The following BORCS5 variants were observed in gnomAD, a reference collection of about 807,000 sequenced individuals.
BORCS5 encodes the protein BLOC-1-related complex subunit 5.
In BORCS5, 17 loss-of-function variants were observed where a neutral mutation model predicts 22.1. The ratio of observed to expected loss-of-function variants is 0.77; its 90% CI spans 0.53 to 1.15. The LOEUF is 1.15. Among genes scored for constraint, BORCS5 ranks in the 50% most tolerant of loss-of-function variants. BORCS5 has a pLI of 0.00. For synonymous variants in BORCS5, 117 were observed against 99.8 expected (o/e 1.17, Z -1.03); for missense variants, 247 against 253.2 (o/e 0.98, Z 0.17).
At chr12:12,384,704 C>CT (rs1282505376) in intron 2 of BORCS5, among the ~76,000 whole-genome samples, 1 of 151,086 alleles carries the variant, frequency 6.6e-6, no homozygotes, top group Non-Finnish European at 1.5e-5. Flanking sequence ...CCACACCCTC[C>CT]TTTTTAAAAG....
At chr12:12,441,465 T>C (rs148716698) in intron 3 of BORCS5, among the ~76,000 whole-genome samples, 106 of 152,288 alleles carry the variant, frequency 7.0e-4, no homozygotes, top group Middle Eastern at 3.4e-3. Context: ...CCTCAGGTTT[T>C]CGTGAGGGTT....
chr12:12,365,533 C>A (rs896446577), intron 2 of BORCS5, among the ~76,000 whole-genome samples: 1 of 151,832 alleles, frequency 6.6e-6, no homozygotes, highest in South Asian at 2.1e-4. Context: ...CCCCCCCACC[C>A]CAACCCCCAC....
intron 2 of BORCS5, among the ~76,000 whole-genome samples, chr12:12,379,219 C>T (rs1863723632): frequency 6.7e-6 from 1 of 150,332 alleles, no homozygotes; most frequent in South Asian, 2.1e-4. Flanking sequence ...CTCCCGGGTT[C>T]AAGTGATTCT....
At chr12:12,383,530 TTTTG>T (rs1863818345) in intron 2 of BORCS5, among the ~76,000 whole-genome samples, 1 of 151,368 alleles carries the variant, frequency 6.6e-6, no homozygotes, top group South Asian at 2.1e-4. Context: ...CTGAAAAGAC[TTTTG>T]TTAGTATTTA....
At chr12:12,359,276 T>C (rs1441423921) in intron 1 of BORCS5, among the ~76,000 whole-genome samples, 1 of 152,082 alleles carries the variant, frequency 6.6e-6, no homozygotes, top group Non-Finnish European at 1.5e-5. Flanking sequence ...GTGAGGGGGC[T>C]GTAGTCCTAG....
chr12:12,455,605 G>A (rs978015936), intron 3 of BORCS5, among the ~76,000 whole-genome samples: 4 of 151,884 alleles, frequency 2.6e-5, no homozygotes, highest in Non-Finnish European at 4.4e-5. Flanking sequence ...ATGGTGAAAC[G>A]CTGTCTCTAC....
intron 2 of BORCS5, among the ~76,000 whole-genome samples, chr12:12,398,431 A>C (rs1358727564): frequency 6.6e-6 from 1 of 152,192 alleles, no homozygotes; most frequent in African/African-American, 2.4e-5. Flanking sequence ...AATCAAAGCC[A>C]TGTTTGTTTT....
At chr12:12,422,041 C>T (rs938434256) in intron 2 of BORCS5, among the ~76,000 whole-genome samples, 1 of 152,066 alleles carries the variant, frequency 6.6e-6, no homozygotes, top group Admixed American at 6.6e-5. Flanking sequence ...GTTTTTATGT[C>T]TCTGTCTCTT....
At position 12,455,633 on chromosome 12, in the gene BORCS5, G is replaced by A. The variant is rs865839058; in HGVS notation, c.361-9913G>A. ...GTCTCTACTAAAAATATAAAAATTA[G>A]CCAGGCGTGGTGGCACACACCTGTA... On this transcript the variant is annotated intron_variant, in intron 3 of 3. Transcript: ENST00000314565. Among the ~76,000 whole-genome samples the A allele has an allele frequency of 1.2e-4, 19 of 152,180 alleles. No homozygotes were observed. In the Middle Eastern group the frequency reaches 0.01, roughly 82 times the overall value.
At chr12:12,370,507 T>C (rs1729696370) in intron 2 of BORCS5, among the ~76,000 whole-genome samples, 1 of 152,212 alleles carries the variant, frequency 6.6e-6, no homozygotes. Flanking sequence ...GAATTAATTA[T>C]GCTGTGATGG....
chr12:12,365,196 A>C (rs1295261674), intron 2 of BORCS5, among the ~76,000 whole-genome samples: 1 of 151,998 alleles, frequency 6.6e-6, no homozygotes, highest in Admixed American at 6.6e-5. Context: ...TTATAGGAAG[A>C]GGTTATCGGG....
intron 1 of BORCS5, among the ~76,000 whole-genome samples, chr12:12,359,422 C>T (rs989932441): frequency 4.1e-5 from 6 of 146,588 alleles, no homozygotes; most frequent in African/African-American, 1.5e-4. Context: ...AGTGCTGTGG[C>T]ATGATCTTGG....
chr12:12,382,175 G>A (rs368440756), intron 2 of BORCS5, among the ~76,000 whole-genome samples: 3 of 151,368 alleles, frequency 2.0e-5, no homozygotes, highest in East Asian at 3.9e-4. Context: ...TCTGCAAGCT[G>A]TATAAGAAGT....
intron 2 of BORCS5, among the ~76,000 whole-genome samples, chr12:12,362,558 C>T (rs932394282): frequency 6.6e-6 from 1 of 151,366 alleles, no homozygotes; most frequent in African/African-American, 2.4e-5. Flanking sequence ...TCAATTTCTT[C>T]CCTACAGGCC....
intron 3 of BORCS5, among the ~76,000 whole-genome samples, chr12:12,452,893 C>A (rs1474130256): frequency 6.6e-6 from 1 of 152,166 alleles, no homozygotes; most frequent in Non-Finnish European, 1.5e-5. Context: ...CTGTCTGAAT[C>A]TCTACTGCAG....
At chr12:12,392,271 G>C (rs1941212871) in intron 2 of BORCS5, among the ~76,000 whole-genome samples, 1 of 151,844 alleles carries the variant, frequency 6.6e-6, no homozygotes, top group Non-Finnish European at 1.5e-5. Flanking sequence ...GATCCAAAGA[G>C]GTTAGGTGAC....
intron 2 of BORCS5, among the ~76,000 whole-genome samples, chr12:12,388,904 G>A (rs1592076540): frequency 6.6e-6 from 1 of 150,774 alleles, no homozygotes; most frequent in South Asian, 2.1e-4. Flanking sequence ...GTTGAAGCCA[G>A]TCCTCTGACT....
chr12:12,401,053 C>CATAA (rs1565870312), intron 2 of BORCS5, among the ~76,000 whole-genome samples: 1 of 152,146 alleles, frequency 6.6e-6, no homozygotes, highest in Non-Finnish European at 1.5e-5. Flanking sequence ...TATCCATTGA[C>CATAA]TTATTAGTGA....
At chr12:12,390,296 G>A (rs1317783718) in intron 2 of BORCS5, among the ~76,000 whole-genome samples, 1 of 152,090 alleles carries the variant, frequency 6.6e-6, no homozygotes, top group African/African-American at 2.4e-5. Flanking sequence ...TAGAAGGCAA[G>A]TTTGTCTTAG....
Sources: gnomAD v4.1 joint callset for allele counts (sites outside exome capture counted in the v4.1 genomes callset) on GRCh38, gnomAD v4.1.1 for gene constraint, MANE v1.5 for transcripts, NCBI Gene and HGNC (gene_info 2026-07-23, HGNC 2026-07-21) for gene names.